Variants in SMARCA2 observed in about 807,000 individuals in gnomAD.
SMARCA2 encodes SWI/SNF related BAF chromatin remodeling complex subunit ATPase 2.
In SMARCA2, 61 loss-of-function variants were observed where a neutral mutation model predicts 199.8. The observed-to-expected ratio is 0.31, with a 90% confidence interval of 0.25 to 0.38. The LOEUF is 0.38. Among genes scored for constraint, SMARCA2 ranks in the 10% least tolerant of loss-of-function variants. The pLI is 1.00. For synonymous variants in SMARCA2, 935 were observed against 732.0 expected (o/e 1.28, Z -4.48); for missense variants, 1,344 against 2,012.2 (o/e 0.67, Z 6.35).
chr9:2,101,532 T>G, intron 21 of SMARCA2, 38 bp from the exon 22 acceptor site: 1 of 1,157,830 alleles, frequency 8.6e-7, no homozygotes. Context: ...AATAATTACA[T>G]TTTTTAAAAT....
chr9:2,109,259 A>C (rs1269628830), intron 23 of SMARCA2, among the ~76,000 whole-genome samples: 2 of 152,202 alleles, frequency 1.3e-5, no homozygotes, highest in South Asian at 4.1e-4. Flanking sequence ...ATATTTCCCA[A>C]CAGCCTAAAG....
At chr9:2,182,419 T>C (rs1827100984) in intron 31 of SMARCA2, among the ~76,000 whole-genome samples, 177 bp downstream of exon 31, 1 of 151,618 alleles carries the variant, frequency 6.6e-6, no homozygotes, top group African/African-American at 2.4e-5. Flanking sequence ...CATCTGCAGA[T>C]TACCTTTGTA....
At position 2,061,157 on chromosome 9, in the gene SMARCA2, A is replaced by G. The variant is rs1170626034; in HGVS notation, c.1692+171A>G. On this transcript the variant is annotated intron_variant, in intron 9 of 33. Transcript: ENST00000349721. ...CATGGAAGTGTTGATTAGGTACACTAGACAACTATTGGAGGTAAGGGCATA... is the reference window on the plus strand; with the variant it reads ...CATGGAAGTGTTGATTAGGTACACTGGACAACTATTGGAGGTAAGGGCATA... 4.9e-6 allele frequency: 3 copies of G among 613,364 alleles called. No homozygotes were observed. The East Asian group carries it at 8.6e-5, about 18-fold the overall frequency. The allele number at this position is 613,364 out of a possible 1,614,324, so 38.0% of individuals were successfully genotyped here. A position where few individuals can be genotyped will look rare whatever the true frequency, so the allele number is the denominator to read the frequency against.
chr9:2,099,559 C>T (rs1822417423), intron 21 of SMARCA2, among the ~76,000 whole-genome samples: 2 of 152,108 alleles, frequency 1.3e-5, no homozygotes, highest in African/African-American at 4.8e-5. Flanking sequence ...GTTGAAGGTG[C>T]ATGCCCTTCA....
chr9:2,144,189 T>C (rs1586750762), intron 27 of SMARCA2, among the ~76,000 whole-genome samples: 1 of 152,186 alleles, frequency 6.6e-6, no homozygotes, highest in Non-Finnish European at 1.5e-5. Flanking sequence ...AAGAGGCAGG[T>C]ATTATCTTGT....
At chr9:2,041,462 G>A (rs1006776748) in intron 4 of SMARCA2, 5 of 398,514 alleles carry the variant, frequency 1.3e-5, no homozygotes, top group Non-Finnish European at 2.2e-5. Flanking sequence ...GCAGCTCTCT[G>A]GAGCCTCTTT....
intron 32 of SMARCA2, among the ~76,000 whole-genome samples, chr9:2,190,465 T>C (rs1276971315): frequency 2.6e-5 from 4 of 152,206 alleles, no homozygotes; most frequent in Non-Finnish European, 4.4e-5. Context: ...AGGCTTTACC[T>C]ATAAATATCC....
chr9:2,143,653 G>A (rs1403949158), intron 27 of SMARCA2, among the ~76,000 whole-genome samples: 1 of 152,204 alleles, frequency 6.6e-6, no homozygotes, highest in Non-Finnish European at 1.5e-5. Context: ...TGTGATAAGG[G>A]AAACTGATCA....
chr9:2,152,167 C>G (rs986911095), intron 27 of SMARCA2, among the ~76,000 whole-genome samples: 1 of 152,152 alleles, frequency 6.6e-6, no homozygotes, highest in African/African-American at 2.4e-5. Flanking sequence ...AATTTCACCC[C>G]GAATCCCAAG....
rs1173554741 is a variant in SMARCA2 at position 2,110,059 on chromosome 9, CTGTT to C, written c.3293-193_3293-190del. The stretch of plus-strand genomic sequence containing the variant: ...AGATGCCTCATTAGAAATGTTTAAG[CTGTT>C]TCTTTCTTTTTTTTTGTAATTGCAA... On this transcript the variant is annotated intron_variant, in intron 23 of 33. Coordinates refer to ENST00000349721, the MANE Select transcript of SMARCA2 (RefSeq NM_003070.5). The surrounding 1 kb of genome is among the most constrained non-coding windows in gnomAD (Gnocchi z 4.8). Among the ~76,000 whole-genome samples, 1 of 152,076 alleles carries C rather than the reference CTGTT, an allele frequency of 6.6e-6. No individual in the cohort carries two copies. The highest frequency in any genetic ancestry group is 2.4e-5 in the African/African-American group (1 of 41,424).
At chr9:2,090,856 ATT>A (rs916090853) in intron 19 of SMARCA2, among the ~76,000 whole-genome samples, 1 of 143,368 alleles carries the variant, frequency 7.0e-6, no homozygotes. Flanking sequence ...CCTTGTTAGG[ATT>A]TTTTTTTTTT....
chr9:2,055,869 A>G (rs553198561), intron 6 of SMARCA2, among the ~76,000 whole-genome samples: 52 of 152,342 alleles, frequency 3.4e-4, no homozygotes, highest in African/African-American at 1.2e-3. Context: ...GAATATGTTT[A>G]TGTTCAAATT....
intron 5 of SMARCA2, among the ~76,000 whole-genome samples, chr9:2,049,158 A>G (rs546168035): frequency 6.6e-6 from 1 of 152,254 alleles, no homozygotes; most frequent in South Asian, 2.1e-4. Context: ...ATAGCTAGAA[A>G]TTTTTACATA....
chr9:2,047,681 G>T, intron 5 of SMARCA2, 197 bp downstream of exon 5: 1 of 461,548 alleles, frequency 2.2e-6, no homozygotes. Flanking sequence ...AAAGCCGACG[G>T]GGACTTCCTG....
intron 13 of SMARCA2, among the ~76,000 whole-genome samples, chr9:2,077,049 C>T (rs1256212694): frequency 6.6e-6 from 1 of 152,114 alleles, no homozygotes; most frequent in African/African-American, 2.4e-5. Flanking sequence ...AGCAGTCTGC[C>T]CTGATCCTTC....
At chr9:2,100,918 C>G (rs969382665) in intron 21 of SMARCA2, among the ~76,000 whole-genome samples, 1 of 151,950 alleles carries the variant, frequency 6.6e-6, no homozygotes, top group Non-Finnish European at 1.5e-5. Flanking sequence ...ACAGTCATGG[C>G]AGAAGGTGAA....
rs544478949 is a variant in SMARCA2, at chr9:2,178,876, C to T, written c.4254-2695C>T. ...GAAGCTGGCCATCCAATCCCTTGCT[C>T]TGGGAGGGAGGGGGATGAGTTTGAT... is the stretch of plus-strand genomic sequence containing the variant. On this transcript the variant is annotated intron_variant, in intron 29 of 33. Transcript: ENST00000349721. Among the ~76,000 whole-genome samples the T allele has an allele frequency of 3.9e-5, 6 of 152,276 alleles. No homozygotes were observed. The South Asian group carries it at 1.0e-3, about 26-fold the overall frequency.
chr9:2,106,665 G>C (rs1822767954), intron 23 of SMARCA2, among the ~76,000 whole-genome samples: 2 of 152,102 alleles, frequency 1.3e-5, no homozygotes, highest in Admixed American at 6.5e-5. Context: ...TGATGTCTCA[G>C]ATTTTGACTT....
rs1819495948 is a variant in SMARCA2 at position 2,039,695 on chromosome 9, C to T, written c.585C>T (p.Gly195=). ...TAGCTTATAAAATGCTGGCCCGAGG[C>T]CAGCCCCTCCCCGAAACGCTGCAGC... ...QILAYKMLAR[G]QPLPETLQLA... is the part of the protein sequence containing the mutation. Residue 195 remains glycine (G), a synonymous_variant, in exon 4 of 34, where the codon GGC becomes GGT. Transcript: ENST00000349721. This position sits in a 1 kb window ranked among gnomAD's most constrained non-coding sequence, Gnocchi z 4.8. 1.2e-6 allele frequency: 2 copies of T among 1,613,982 alleles called. No individual in the cohort carries two copies. Among genetic ancestry groups the T allele is most frequent in the South Asian group, 2.2e-5 (2 of 91,070 alleles).
Sources: allele counts gnomAD v4.1 joint callset (sites outside exome capture counted in the v4.1 genomes callset), GRCh38; gene constraint gnomAD v4.1.1; non-coding constraint Gnocchi (gnomAD v3.1); transcripts MANE v1.5; gene names NCBI Gene and HGNC (gene_info 2026-07-23, HGNC 2026-07-21).